Variants in NKAIN2 observed in about 807,000 individuals in gnomAD.
NKAIN2 encodes sodium/potassium transporting ATPase interacting 2.
In NKAIN2, 14 loss-of-function variants were observed where a neutral mutation model predicts 32.6. The observed-to-expected ratio is 0.43, with a 90% confidence interval of 0.28 to 0.67. NKAIN2 has a LOEUF of 0.67. Ranked by LOEUF, NKAIN2 falls within the 30% of genes least tolerant of loss-of-function variation. The pLI, the probability that NKAIN2 is intolerant of heterozygous loss-of-function variation, is 0.17. For missense variants in NKAIN2, 198 were observed against 258.3 expected, an observed-to-expected ratio of 0.77 and a Z score of 1.60; for synonymous variants, 80 against 87.2, an observed-to-expected ratio of 0.92 and a Z score of 0.46.
intron 1 of NKAIN2, among the ~76,000 whole-genome samples, chr6:123,805,981 CCT>C (rs1773199153): frequency 6.6e-6 from 1 of 152,094 alleles, no homozygotes; most frequent in African/African-American, 2.4e-5. Flanking sequence ...AATACAAACT[CCT>C]CAAGAACTTA....
chr6:124,292,753 C>T (rs577391461), intron 2 of NKAIN2, among the ~76,000 whole-genome samples: 15 of 152,028 alleles, frequency 9.9e-5, no homozygotes, highest in Non-Finnish European at 1.9e-4. Context: ...TCTGCCAGAC[C>T]CTAATGTATC....
chr6:124,063,803 TTAAA>T (rs1324018175), intron 1 of NKAIN2, among the ~76,000 whole-genome samples: 1 of 152,152 alleles, frequency 6.6e-6, no homozygotes, highest in Non-Finnish European at 1.5e-5. Flanking sequence ...ACTGACATAA[TTAAA>T]TGTGATTTCA....
chr6:124,745,103 C>A (rs552028077), intron 4 of NKAIN2, among the ~76,000 whole-genome samples: 1 of 151,690 alleles, frequency 6.6e-6, no homozygotes, highest in South Asian at 2.1e-4. Context: ...GTGGAAAAGA[C>A]AAATTAGTCT....
At chr6:123,821,660 T>TTGAA (rs929633192) in intron 1 of NKAIN2, among the ~76,000 whole-genome samples, 7 of 152,086 alleles carry the variant, frequency 4.6e-5, no homozygotes, top group African/African-American at 1.7e-4. Context: ...GGCCTATAGT[T>TTGAA]TGAAACCACT....
intron 3 of NKAIN2, among the ~76,000 whole-genome samples, chr6:124,627,144 G>C (rs1241392219): frequency 6.6e-6 from 1 of 151,872 alleles, no homozygotes; most frequent in Non-Finnish European, 1.5e-5. Flanking sequence ...ATGGTGCGCA[G>C]CTGTAATCCC....
At chr6:124,704,617 T>A (rs2114579117) in intron 4 of NKAIN2, among the ~76,000 whole-genome samples, 1 of 148,666 alleles carries the variant, frequency 6.7e-6, no homozygotes, top group African/African-American at 2.5e-5. Context: ...AAACAAAAAG[T>A]GAGAGAGAGA....
intron 2 of NKAIN2, among the ~76,000 whole-genome samples, chr6:124,340,756 G>A (rs1015116245): frequency 5.9e-5 from 9 of 152,226 alleles, no homozygotes; most frequent in South Asian, 2.1e-4. Flanking sequence ...TACATGCAGG[G>A]TAATGTTTCT....
chr6:124,236,442 G>A (rs1792765256), intron 1 of NKAIN2, among the ~76,000 whole-genome samples: 1 of 152,130 alleles, frequency 6.6e-6, no homozygotes, highest in African/African-American at 2.4e-5. Flanking sequence ...GCAGAGGATG[G>A]TCCAAGTTGT....
At chr6:124,329,209 C>T (rs997576405) in intron 2 of NKAIN2, among the ~76,000 whole-genome samples, 1 of 152,190 alleles carries the variant, frequency 6.6e-6, no homozygotes, top group Non-Finnish European at 1.5e-5. Context: ...GTTCAGCATG[C>T]CTGTCAAGTT....
At chr6:124,051,511 G>T (rs1223510251) in intron 1 of NKAIN2, among the ~76,000 whole-genome samples, 1 of 151,792 alleles carries the variant, frequency 6.6e-6, no homozygotes, top group Non-Finnish European at 1.5e-5. Context: ...TGCCATGTTG[G>T]TGTGCTGCAC....
chr6:124,118,603 C>T (rs1240058429), intron 1 of NKAIN2, among the ~76,000 whole-genome samples: 1 of 152,050 alleles, frequency 6.6e-6, no homozygotes, highest in Non-Finnish European at 1.5e-5. Context: ...TGTAGGCATT[C>T]TTCTTATTGT....
intron 4 of NKAIN2, among the ~76,000 whole-genome samples, chr6:124,772,751 A>C (rs992716608): frequency 1.1e-4 from 17 of 152,164 alleles, no homozygotes; most frequent in African/African-American, 4.1e-4. Flanking sequence ...TTAAGAGACA[A>C]CTTAGAGATC....
intron 4 of NKAIN2, among the ~76,000 whole-genome samples, chr6:124,710,056 A>G (rs1435857569): frequency 3.9e-5 from 6 of 151,974 alleles, no homozygotes. Flanking sequence ...GTTTCAAAGA[A>G]CATCTTTATT....
intron 1 of NKAIN2, among the ~76,000 whole-genome samples, chr6:124,056,153 A>C (rs1016657810): frequency 6.6e-6 from 1 of 152,042 alleles, no homozygotes; most frequent in African/African-American, 2.4e-5. Context: ...GGGTAATAAA[A>C]GTAATGAGGC....
At chr6:124,067,566 T>C (rs1783248297) in intron 1 of NKAIN2, among the ~76,000 whole-genome samples, 1 of 152,140 alleles carries the variant, frequency 6.6e-6, no homozygotes, top group South Asian at 2.1e-4. Context: ...ACAAAAACAC[T>C]TTGTACTGAA....
chr6:124,371,722 GAA>G (rs970070377), intron 3 of NKAIN2, among the ~76,000 whole-genome samples: 1 of 147,286 alleles, frequency 6.8e-6, no homozygotes, highest in Non-Finnish European at 1.5e-5. Context: ...AGAAAGAAAG[GAA>G]AAAAAAGAGT....
chr6:124,180,082 G>C (rs1789362333), intron 1 of NKAIN2, among the ~76,000 whole-genome samples: 1 of 151,960 alleles, frequency 6.6e-6, no homozygotes, highest in African/African-American at 2.4e-5. Context: ...AGGTAGATAG[G>C]TAGGCATGTA....
rs538773723 is a variant in NKAIN2, at chr6:124,120,427, T to C, written c.55-162578T>C. On this transcript the variant is annotated intron_variant, in intron 1 of 6. Transcript: ENST00000368417. ...CAAGAGTAATATACTTAAGATTTAT[T>C]GAAAACTTATAGGCAACAGGTAAGC... 2.1e-3 allele frequency among the ~76,000 whole-genome samples: 314 copies of C among 152,290 alleles called. 2 individuals carry two copies. The highest frequency in any genetic ancestry group is 3.4e-3 in the Non-Finnish European group (231 of 68,022).
At chr6:124,591,265 C>A (rs1033885263) in intron 3 of NKAIN2, among the ~76,000 whole-genome samples, 1 of 152,026 alleles carries the variant, frequency 6.6e-6, no homozygotes, top group African/African-American at 2.4e-5. Context: ...TCTTCTGGCC[C>A]GAGACAAGAA....
Sources: gnomAD v4.1 joint callset for allele counts (sites outside exome capture counted in the v4.1 genomes callset) on GRCh38, gnomAD v4.1.1 for gene constraint, MANE v1.5 for transcripts, NCBI Gene and HGNC (gene_info 2026-07-23, HGNC 2026-07-21) for gene names.